MAPK10: variants seen among roughly 807,000 people sequenced by gnomAD.
MAPK10 encodes the protein mitogen-activated protein kinase 10, also known as JNK3 alpha protein kinase.
Under a neutral mutation model 59.3 loss-of-function variants are expected in MAPK10, and 25 were observed. That is an observed-to-expected ratio of 0.42 (90% CI 0.31 to 0.59). The LOEUF (loss-of-function observed/expected upper bound fraction) is 0.59, where lower values mean the gene tolerates loss of function less well. MAPK10 is among the 20% of genes least tolerant of loss of function. The probability of loss-of-function intolerance (pLI) is 0.15; values close to 1 mark genes in which losing one functional copy is unlikely to be tolerated. For synonymous variants in MAPK10, 190 were observed against 200.5 expected (o/e 0.95, Z 0.44); for missense variants, 351 against 568.9 (o/e 0.62, Z 3.90).
intron 9 of MAPK10, among the ~76,000 whole-genome samples, chr4:86,088,527 T>G (rs2052428137): frequency 6.6e-6 from 1 of 152,132 alleles, no homozygotes; most frequent in African/African-American, 2.4e-5. Flanking sequence ...TAAGAGAGAA[T>G]CACTTTTACT....
intron 1 of MAPK10, among the ~76,000 whole-genome samples, chr4:86,507,633 T>C (rs918044374): frequency 4.6e-5 from 3 of 64,808 alleles, no homozygotes; most frequent in Admixed American, 1.6e-4. Context: ...TATATATATA[T>C]ATATATATAT....
chr4:86,222,348 T>G (rs1337086883), intron 2 of MAPK10, among the ~76,000 whole-genome samples: 3 of 152,190 alleles, frequency 2.0e-5, no homozygotes, highest in Non-Finnish European at 2.9e-5. Context: ...TTTTGCTTAC[T>G]GACAGCACAC....
At chr4:86,176,010 T>C (rs1280801998) in intron 3 of MAPK10, 15 of 152,164 alleles carry the variant, frequency 9.9e-5, no homozygotes, top group Admixed American at 9.8e-4. Flanking sequence ...AAAAGAGGAA[T>C]TGAATGATAC....
chr4:86,110,024 C>A (rs1010456360), intron 4 of MAPK10, among the ~76,000 whole-genome samples: 1 of 152,068 alleles, frequency 6.6e-6, no homozygotes, highest in Admixed American at 6.6e-5. Context: ...GCATAAATGT[C>A]TTCTTTTGAG....
chr4:86,413,265 C>G (rs1745429370), intron 1 of MAPK10, among the ~76,000 whole-genome samples: 1 of 152,158 alleles, frequency 6.6e-6, no homozygotes, highest in South Asian at 2.1e-4. Context: ...GCTGCCTGAT[C>G]CTTCCTCTGG....
chr4:86,238,157 G>C (rs1179956291), intron 2 of MAPK10, among the ~76,000 whole-genome samples: 3 of 152,014 alleles, frequency 2.0e-5, no homozygotes, highest in Non-Finnish European at 2.9e-5. Context: ...ATGGTTGTAG[G>C]TGTGTAGTGT....
At chr4:86,316,817 C>T (rs2095796899) in intron 2 of MAPK10, among the ~76,000 whole-genome samples, 1 of 152,166 alleles carries the variant, frequency 6.6e-6, no homozygotes, top group African/African-American at 2.4e-5. Context: ...ACCTACAACA[C>T]ACAAGCCATC....
chr4:86,538,682 C>A (rs1395535934), intron 1 of MAPK10, among the ~76,000 whole-genome samples: 1 of 152,040 alleles, frequency 6.6e-6, no homozygotes, highest in South Asian at 2.1e-4. Context: ...TCTTCCTATC[C>A]ATGAACAAGG....
In MAPK10 at chr4:86,014,285, T is replaced by A. The variant is rs1379647001; in HGVS notation, c.*2943A>T. ...ATGTTCTTGGGAAATAACAGGTGAC[T>A]ATTTAAGAAATATTTGGGGTGTGTG... is the stretch of plus-strand genomic sequence containing the variant. On this transcript the variant is annotated 3_prime_UTR_variant, in exon 14 of 14. Transcript: ENST00000641462. 3 of 149,596 alleles carry A rather than the reference T, an allele frequency of 2.0e-5. No individual in the cohort carries two copies. The highest frequency in any genetic ancestry group is 4.4e-5 in the Non-Finnish European group (3 of 67,630). 9.3% of individuals were successfully genotyped at this position (149,596 alleles called of 1,614,324 possible).
intron 1 of MAPK10, among the ~76,000 whole-genome samples, chr4:86,513,179 C>T (rs1057412602): frequency 6.6e-6 from 1 of 152,104 alleles, no homozygotes; most frequent in Non-Finnish European, 1.5e-5. Context: ...TCCCAAGTAG[C>T]TAGAACTACA....
intron 3 of MAPK10, among the ~76,000 whole-genome samples, chr4:86,163,738 G>A (rs1327744730): frequency 1.3e-5 from 2 of 150,932 alleles, no homozygotes; most frequent in African/African-American, 4.9e-5. Context: ...GACAATAGTA[G>A]ATATAAAAGA....
chr4:86,364,074 C>T, upstream of MAPK10, among the ~76,000 whole-genome samples: 1 of 150,804 alleles, frequency 6.6e-6, no homozygotes, highest in East Asian at 2.0e-4. Context: ...GTATGAGCCA[C>T]CACACCAGGC....
chr4:86,287,490 G>A (rs2095057041), intron 2 of MAPK10, among the ~76,000 whole-genome samples: 1 of 152,130 alleles, frequency 6.6e-6, no homozygotes, highest in African/African-American at 2.4e-5. Context: ...GGAAAACACA[G>A]CTGCCATCGT....
chr4:86,305,056 A>G (rs1483545593), intron 2 of MAPK10, among the ~76,000 whole-genome samples: 1 of 152,206 alleles, frequency 6.6e-6, no homozygotes, highest in Non-Finnish European at 1.5e-5. Context: ...AGTAATACCA[A>G]AAACAAACAA....
At chr4:86,310,696 C>T (rs4693763) in intron 2 of MAPK10, among the ~76,000 whole-genome samples, 46,250 of 151,926 alleles carry the variant, frequency 0.3, 7,481 homozygotes, top group Non-Finnish European at 0.37. Flanking sequence ...AAACTTGAGT[C>T]TTATTTTTAA....
intron 2 of MAPK10, among the ~76,000 whole-genome samples, chr4:86,262,243 G>A (rs941079674): frequency 3.3e-5 from 5 of 152,100 alleles, no homozygotes; most frequent in African/African-American, 1.2e-4. Flanking sequence ...CCTCTCTCAT[G>A]CACATACAAT....
intron 3 of MAPK10, chr4:86,175,956 CAT>C (rs1222278863): frequency 6.6e-6 from 1 of 152,034 alleles, no homozygotes; most frequent in East Asian, 1.9e-4. Flanking sequence ...ATGAGTTAGA[CAT>C]ATCTATAACC....
intron 5 of MAPK10, among the ~76,000 whole-genome samples, chr4:86,104,899 T>C (rs1214781326): frequency 2.0e-5 from 3 of 152,048 alleles, no homozygotes; most frequent in Non-Finnish European, 4.4e-5. Context: ...CTACCAATAG[T>C]CAATTTTAAA....
intron 2 of MAPK10, among the ~76,000 whole-genome samples, chr4:86,214,207 C>G (rs867310721): frequency 1.3e-5 from 2 of 151,902 alleles, no homozygotes; most frequent in South Asian, 2.1e-4. Flanking sequence ...AAACACTCAA[C>G]AAACTAAAAA....
Sources: allele counts gnomAD v4.1 joint callset (sites outside exome capture counted in the v4.1 genomes callset), GRCh38; gene constraint gnomAD v4.1.1; transcripts MANE v1.5; gene names NCBI Gene and HGNC (gene_info 2026-07-23, HGNC 2026-07-21).